Variants in EHBP1 observed in about 807,000 individuals in gnomAD.
EHBP1 encodes the protein EH domain binding protein 1.
Under a neutral mutation model 144.0 loss-of-function variants are expected in EHBP1, and 55 were observed. That is an observed-to-expected ratio of 0.38 (90% CI 0.31 to 0.48). EHBP1 has a LOEUF of 0.48. Among genes scored for constraint, EHBP1 ranks in the 20% least tolerant of loss-of-function variants. The pLI is 0.98. For missense variants in EHBP1, 1,200 were observed against 1,364.2 expected (o/e 0.88, Z 1.90); for synonymous variants, 469 against 472.7 (o/e 0.99, Z 0.10).
intron 10 of EHBP1, among the ~76,000 whole-genome samples, chr2:62,911,285 A>G (rs1220137499): frequency 6.6e-6 from 1 of 152,194 alleles, no homozygotes; most frequent in African/African-American, 2.4e-5. Flanking sequence ...AGTGAGGATT[A>G]AACACATTAA....
chr2:62,972,666 C>T (rs1320856484), intron 14 of EHBP1, among the ~76,000 whole-genome samples: 2 of 152,146 alleles, frequency 1.3e-5, no homozygotes, highest in East Asian at 3.9e-4. Flanking sequence ...GATATGCCAT[C>T]CCACTGGAGA....
intron 10 of EHBP1, among the ~76,000 whole-genome samples, chr2:62,885,351 G>T (rs930453874): frequency 6.6e-6 from 1 of 152,030 alleles, no homozygotes; most frequent in Non-Finnish European, 1.5e-5. Flanking sequence ...CTACACTTCA[G>T]ACCATTGATT....
upstream of EHBP1, among the ~76,000 whole-genome samples, chr2:62,701,265 G>A (rs567399093): frequency 2.0e-5 from 3 of 152,238 alleles, no homozygotes; most frequent in African/African-American, 7.2e-5. Flanking sequence ...TAATTTTACT[G>A]TCTTTAATAA....
intron 21 of EHBP1, among the ~76,000 whole-genome samples, chr2:63,042,538 T>A (rs951951595): frequency 3.3e-5 from 5 of 152,082 alleles, no homozygotes; most frequent in African/African-American, 1.2e-4. Context: ...ATATTTTAAA[T>A]TCTAATGTCA....
intron 15 of EHBP1, among the ~76,000 whole-genome samples, chr2:62,989,770 C>T (rs2153222140): frequency 6.6e-6 from 1 of 152,062 alleles, no homozygotes; most frequent in East Asian, 1.9e-4. Flanking sequence ...TGATTTTTAT[C>T]CTTGCTTTAT....
intron 10 of EHBP1, among the ~76,000 whole-genome samples, chr2:62,917,370 T>C (rs191507861): frequency 6.7e-4 from 102 of 152,290 alleles, no homozygotes; most frequent in African/African-American, 2.2e-3. Flanking sequence ...GGTACCACCA[T>C]CATATATGTA....
At chr2:62,808,356 A>G (rs777050946) in intron 5 of EHBP1, among the ~76,000 whole-genome samples, 35 of 145,664 alleles carry the variant, frequency 2.4e-4, no homozygotes, top group Admixed American at 4.2e-4. Context: ...GAAGGTTTCT[A>G]TTGTGCTGTT....
intron 19 of EHBP1, among the ~76,000 whole-genome samples, chr2:63,002,448 G>T (rs1574430541): frequency 6.6e-6 from 1 of 152,112 alleles, no homozygotes; most frequent in East Asian, 1.9e-4. Context: ...ATTTAAAAAA[G>T]TATAGTTTCT....
intron 20 of EHBP1, 145 bp from the exon 21 acceptor site, chr2:63,038,597 AG>A: frequency 1.6e-6 from 1 of 624,816 alleles, no homozygotes; most frequent in Non-Finnish European, 2.8e-6. Flanking sequence ...GGAAGGTTTT[AG>A]GTTTGTGTAT....
chr2:62,963,416 A>T (rs1229495871), intron 14 of EHBP1, among the ~76,000 whole-genome samples: 1 of 152,210 alleles, frequency 6.6e-6, no homozygotes, highest in Non-Finnish European at 1.5e-5. Context: ...GGTAAAAAAC[A>T]CTAAACTTTT....
chr2:62,753,736 A>G (rs2039985131), intron 3 of EHBP1, among the ~76,000 whole-genome samples: 1 of 152,040 alleles, frequency 6.6e-6, no homozygotes, highest in Non-Finnish European at 1.5e-5. Context: ...ACTTCATTTC[A>G]TTCAATTGAC....
chr2:62,679,466 T>C (rs563875734), intron 1 of EHBP1, among the ~76,000 whole-genome samples: 2 of 152,304 alleles, frequency 1.3e-5, no homozygotes, highest in African/African-American at 4.8e-5. Context: ...CAGTTTAGCA[T>C]TTATATTTTC....
At chr2:62,974,117 A>G (rs193007013) in intron 14 of EHBP1, among the ~76,000 whole-genome samples, 1 of 152,294 alleles carries the variant, frequency 6.6e-6, no homozygotes, top group East Asian at 1.9e-4. Flanking sequence ...TCACCTATGA[A>G]TAAGCTTGTG....
intron 17 of EHBP1, 96 bp downstream of exon 17, chr2:62,993,764 T>G (rs573741729): frequency 3.7e-4 from 285 of 773,550 alleles, no homozygotes; most frequent in Middle Eastern, 9.0e-4. Context: ...ATATAGCATA[T>G]ATATATAGTA....
intron 14 of EHBP1, among the ~76,000 whole-genome samples, chr2:62,970,452 C>T (rs564128319): frequency 2.4e-4 from 36 of 151,822 alleles, no homozygotes; most frequent in South Asian, 6.3e-4. Context: ...CACAATTTTA[C>T]GAAGAGTATG....
intron 1 of EHBP1, among the ~76,000 whole-genome samples, chr2:62,695,927 G>T (rs750088993): frequency 3.3e-5 from 5 of 151,916 alleles, no homozygotes; most frequent in Non-Finnish European, 7.4e-5. Flanking sequence ...TGCTCAGGCT[G>T]GTCTCAAACT....
chr2:62,714,345 T>C (rs1408573835), intron 2 of EHBP1, among the ~76,000 whole-genome samples: 1 of 152,214 alleles, frequency 6.6e-6, no homozygotes, highest in African/African-American at 2.4e-5. Context: ...GTGCTCAGGC[T>C]CTAAACTATT....
At chr2:62,883,780 A>G (rs2051678028) in intron 10 of EHBP1, among the ~76,000 whole-genome samples, 1 of 152,208 alleles carries the variant, frequency 6.6e-6, no homozygotes, top group Non-Finnish European at 1.5e-5. Flanking sequence ...CTTGGGCAAT[A>G]TAGTGAGACC....
chr2:62,996,361 A>ATT (rs570532267), intron 18 of EHBP1, among the ~76,000 whole-genome samples: 1 of 150,204 alleles, frequency 6.7e-6, no homozygotes, highest in South Asian at 2.1e-4. Context: ...TCTAAGGAGA[A>ATT]TTTTTTTTTT....
Sources: gnomAD v4.1 joint callset for allele counts (sites outside exome capture counted in the v4.1 genomes callset) on GRCh38, gnomAD v4.1.1 for gene constraint, MANE v1.5 for transcripts, NCBI Gene and HGNC (gene_info 2026-07-23, HGNC 2026-07-21) for gene names.